The following D2HGDH variants were observed in gnomAD, a reference collection of about 807,000 sequenced individuals.
The protein encoded by D2HGDH is D-2-hydroxyglutarate dehydrogenase.
Under a neutral mutation model 46.9 loss-of-function variants are expected in D2HGDH, and 31 were observed. That is an observed-to-expected ratio of 0.66 (90% confidence interval 0.50 to 0.89). The LOEUF (loss-of-function observed/expected upper bound fraction) is 0.89. Ranked by LOEUF, D2HGDH falls within the 40% of genes least tolerant of loss-of-function variation. The pLI is 0.00. For missense variants in D2HGDH, 698 were observed against 720.8 expected (o/e 0.97, Z 0.36); for synonymous variants, 364 against 332.6 (o/e 1.09, Z -1.03).
Position 241,744,789 on chromosome 2 carries a change from C to G in D2HGDH, c.765C>G (p.Phe255Leu). The change falls in exon 6 of 10, where the codon TTC becomes TTG. Residue 255 changes from phenylalanine (F) to leucine (L), a missense_variant. By Grantham distance (22) the Phe-to-Leu change is conservative (BLOSUM62 0). Transcript: ENST00000321264. The stretch of plus-strand genomic sequence containing the variant: ...CGGGCTATGACCTGAAGCAGCTGTT[C>G]ATCGGGTCGGAGGGCACTTTGGGGA... ...DNTGYDLKQLFIGSEGTLGII... is the reference protein window; with the variant it reads ...DNTGYDLKQLLIGSEGTLGII... 1 of 1,614,246 alleles carries G rather than the reference C, an allele frequency of 6.2e-7. No homozygotes were observed. The highest frequency in any genetic ancestry group is 2.2e-5 in the East Asian group (1 of 44,890).
chr2:241,755,553 G>A lies in D2HGDH; in HGVS notation c.1141-296G>A, dbSNP rs952823167. ...CAGCCGCCTGATTGCCGGAGTCCCA[G>A]GGTGCTCGGTGCTGTCGTGGAGCCT... On this transcript the variant is annotated intron_variant, in intron 8 of 9. Coordinates refer to ENST00000321264, the MANE Select transcript of D2HGDH (RefSeq NM_152783.5). The A allele has an allele frequency of 2.1e-6, 3 of 1,417,430 alleles. No homozygotes were observed. In the Admixed American group the frequency reaches 6.4e-5, roughly 30 times the overall value. The allele number at this position is 1,417,430 out of a possible 1,614,324, so 87.8% of individuals were successfully genotyped here. A position where few individuals can be genotyped will look rare whatever the true frequency, so the allele number is the denominator to read the frequency against.
intron 6 of D2HGDH, among the ~76,000 whole-genome samples, chr2:241,747,996 G>A (rs892051872): frequency 6.6e-6 from 1 of 152,214 alleles, no homozygotes; most frequent in Non-Finnish European, 1.5e-5. Context: ...TCCTCACTCT[G>A]GGTAGGCTGG....
In D2HGDH at chr2:241,767,801, C is replaced by T. The variant is rs751529813; in HGVS notation, c.1398C>T (p.Ala466=). The T allele has an allele frequency of 1.1e-5, 17 of 1,612,044 alleles. No individual in the cohort carries two copies. Among genetic ancestry groups the T allele is most frequent in the South Asian group, 4.4e-5 (4 of 91,054 alleles). ...ALEPHVYEWT[A]GQQGSVSAEH... is the part of the protein sequence containing the mutation. ...AGCCCCACGTGTACGAGTGGACGGCCGGGCAGCAGGGCAGCGTCAGCGCGG... is the reference window on the plus strand; with the variant it reads ...AGCCCCACGTGTACGAGTGGACGGCTGGGCAGCAGGGCAGCGTCAGCGCGG... The change falls in exon 10 of 10, where the codon GCC becomes GCT. Residue 466 remains alanine (A), a synonymous_variant. Coordinates refer to ENST00000321264, the MANE Select transcript of D2HGDH (RefSeq NM_152783.5).
chr2:241,738,989 G>T (rs1320357611), intron 2 of D2HGDH, among the ~76,000 whole-genome samples: 1 of 152,250 alleles, frequency 6.6e-6, no homozygotes, highest in Non-Finnish European at 1.5e-5. Context: ...TAGACCATTT[G>T]CTCAGGATGG....
At chr2:241,763,767 CACCT>C (rs1559401475) in intron 9 of D2HGDH, among the ~76,000 whole-genome samples, 9 of 152,140 alleles carry the variant, frequency 5.9e-5, no homozygotes, top group African/African-American at 2.2e-4. Flanking sequence ...ACGTGGCTCA[CACCT>C]GTAATCTCAG....
At chr2:241,745,651 A>G (rs1205404237) in intron 6 of D2HGDH, among the ~76,000 whole-genome samples, 1 of 152,028 alleles carries the variant, frequency 6.6e-6, no homozygotes, top group Admixed American at 6.5e-5. Flanking sequence ...TTATTATTTT[A>G]TGGCCACTTT....
intron 9 of D2HGDH, among the ~76,000 whole-genome samples, chr2:241,762,194 C>T (rs927980690): frequency 2.6e-5 from 4 of 151,666 alleles, no homozygotes; most frequent in Non-Finnish European, 4.4e-5. Flanking sequence ...GCCTCAGCCT[C>T]CCGAGCAGCT....
At chr2:241,752,491 G>A (rs1477641564) in intron 8 of D2HGDH, among the ~76,000 whole-genome samples, 2 of 152,032 alleles carry the variant, frequency 1.3e-5, no homozygotes, top group South Asian at 2.1e-4. Context: ...GGGACCACAC[G>A]AACAGAGGCT....
chr2:241,767,558 T>C, intron 9 of D2HGDH, 152 bp from the exon 10 acceptor site: 1 of 1,052,320 alleles, frequency 9.5e-7, no homozygotes, highest in Non-Finnish European at 1.4e-6. Context: ...AGAGGAGGGG[T>C]CGGCACGTCC....
At chr2:241,755,515 C>T in intron 8 of D2HGDH, 1 of 1,360,440 alleles carries the variant, frequency 7.4e-7, no homozygotes, top group Non-Finnish European at 9.8e-7. Flanking sequence ...TGTCCCCCTT[C>T]TGTGAGGTGT....
chr2:241,751,215 T>TGAG, intron 7 of D2HGDH, 31 bp from the exon 8 acceptor site: 1 of 1,613,776 alleles, frequency 6.2e-7, no homozygotes, highest in Non-Finnish European at 8.5e-7. Flanking sequence ...CCGGAGCCTC[T>TGAG]GCTCACTCTG....
intron 2 of D2HGDH, among the ~76,000 whole-genome samples, chr2:241,737,656 G>T (rs1193717387): frequency 6.6e-6 from 1 of 152,152 alleles, no homozygotes; most frequent in Non-Finnish European, 1.5e-5. Flanking sequence ...CTGTAACCCA[G>T]TTCTGTGGGA....
chr2:241,768,029 G>T lies in D2HGDH; in HGVS notation c.*60G>T, dbSNP rs1575353269. On this transcript the variant is annotated 3_prime_UTR_variant, in exon 10 of 10. Coordinates refer to ENST00000321264, the MANE Select transcript of D2HGDH (RefSeq NM_152783.5). Reference sequence around the variant, plus strand: ...GTCGGCGGGTGGCTCTCGGGCGGGGGTGTTGCGGTGGCTCTGAGGGATGAG... The same window carrying T: ...GTCGGCGGGTGGCTCTCGGGCGGGGTTGTTGCGGTGGCTCTGAGGGATGAG... 2 of 1,520,500 alleles carry T rather than the reference G, an allele frequency of 1.3e-6. No individual in the cohort carries two copies. Among genetic ancestry groups the T allele is most frequent in the East Asian group, 2.4e-5 (1 of 40,954 alleles). 94.2% of individuals were successfully genotyped at this position (1,520,500 alleles called of 1,614,324 possible).
intron 1 of D2HGDH, chr2:241,734,902 A>ACGGGGTCCTGGG (rs1692318502): frequency 3.4e-6 from 1 of 295,056 alleles, no homozygotes; most frequent in Non-Finnish European, 6.3e-6. Context: ...GCTCGGAGGA[A>ACGGGGTCCTGGG]CGGGGTCCTG....
At chr2:241,760,017 C>T (rs982969974) in intron 9 of D2HGDH, among the ~76,000 whole-genome samples, 1 of 150,646 alleles carries the variant, frequency 6.6e-6, no homozygotes, top group African/African-American at 2.4e-5. Context: ...GTGGGTGGGC[C>T]TTACCCAATC....
chr2:241,750,395 G>C, intron 7 of D2HGDH, 101 bp downstream of exon 7: 1 of 1,200,234 alleles, frequency 8.3e-7, no homozygotes, highest in Admixed American at 2.1e-5. Context: ...GGGGGTGCCC[G>C]GGCGGGCGGG....
intron 9 of D2HGDH, among the ~76,000 whole-genome samples, chr2:241,761,681 A>T (rs907140684): frequency 3.9e-5 from 6 of 152,184 alleles, no homozygotes; most frequent in African/African-American, 1.4e-4. Flanking sequence ...GGGCACCTGC[A>T]TGCTGTTCGG....
rs758864097 is a variant in D2HGDH, at chr2:241,742,492, G to C, written c.408G>C (p.Val136=). 3 of 1,614,076 alleles carry C rather than the reference G, an allele frequency of 1.9e-6. No homozygotes were observed. The South Asian group carries it at 3.3e-5, about 18-fold the overall frequency. The change falls in exon 4 of 10, where the codon GTG becomes GTC. Residue 136 remains valine (V), a synonymous_variant. Coordinates refer to ENST00000321264, the MANE Select transcript of D2HGDH (RefSeq NM_152783.5). The surrounding 1 kb of genome is among the most constrained non-coding windows in gnomAD (Gnocchi z 4.8). ...VNPQGGNTGM[V]GGSVPVFDEI... is the part of the protein sequence containing the mutation. ...CACAGGGGGGCAACACAGGCATGGTGGGTGGCAGCGTCCCCGTCTTTGACG... is the reference window on the plus strand; with the variant it reads ...CACAGGGGGGCAACACAGGCATGGTCGGTGGCAGCGTCCCCGTCTTTGACG...
In D2HGDH at chr2:241,750,398, C is replaced by T. The variant is rs1189172242; in HGVS notation, c.997+104C>T. The T allele has an allele frequency of 6.4e-5, 11 of 172,098 alleles. No individual in the cohort carries two copies. The East Asian group carries it at 7.8e-4, about 12-fold the overall frequency. 10.7% of individuals were successfully genotyped at this position (172,098 alleles called of 1,614,324 possible). The stretch of plus-strand genomic sequence containing the variant: ...CCCGGGTGGGCGGGGGGTGCCCGGG[C>T]GGGCGGGTGGGGGGTCCCTGGGCGG... On this transcript the variant is annotated intron_variant, in intron 7 of 9. Coordinates refer to ENST00000321264, the MANE Select transcript of D2HGDH (RefSeq NM_152783.5).
Sources: allele counts gnomAD v4.1 joint callset (sites outside exome capture counted in the v4.1 genomes callset), GRCh38; gene constraint gnomAD v4.1.1; non-coding constraint Gnocchi (gnomAD v3.1); transcripts MANE v1.5; gene names NCBI Gene and HGNC (gene_info 2026-07-23, HGNC 2026-07-21).